Variants in KRT82 observed in about 807,000 individuals in gnomAD.
KRT82 encodes keratin, type II cuticular Hb2.
A neutral mutation model predicts 48.0 loss-of-function variants in KRT82; 44 were observed. The ratio of observed to expected loss-of-function variants is 0.92; its 90% CI spans 0.72 to 1.18. The LOEUF is 1.18. Ranked by LOEUF, KRT82 falls within the 50% of genes most tolerant of loss-of-function variation. The probability of loss-of-function intolerance (pLI) is 0.00; values close to 1 mark genes in which losing one functional copy is unlikely to be tolerated. For synonymous variants in KRT82, 297 were observed against 278.3 expected (o/e 1.07, Z -0.67); for missense variants, 701 against 671.4 (o/e 1.04, Z -0.49).
rs1158923417 is a variant in KRT82, at chr12:52,394,620, T to A, written c.*355A>T. On this transcript the variant is annotated 3_prime_UTR_variant, in exon 9 of 9. Coordinates refer to ENST00000257974, the MANE Select transcript of KRT82 (RefSeq NM_033033.4). The stretch of plus-strand genomic sequence containing the variant: ...GCCTGTGGTGGGAGAGGAGCTGACT[T>A]TGTGAGGAAACTTCCATGGGATGAT... 1 of 264,046 alleles carries A rather than the reference T, an allele frequency of 3.8e-6. No individual in the cohort carries two copies. Among genetic ancestry groups the A allele is most frequent in the Non-Finnish European group, 7.2e-6 (1 of 138,088 alleles). The allele number at this position is 264,046 out of a possible 1,614,324, so 16.4% of individuals were successfully genotyped here. A position where few individuals can be genotyped will look rare whatever the true frequency, so the allele number is the denominator to read the frequency against.
rs2121475837 is a variant in KRT82 at position 52,400,062 on chromosome 12, T to C, written c.865A>G (p.Ile289Val). 1.2e-6 allele frequency: 2 copies of C among 1,614,220 alleles called. No individual in the cohort carries two copies. Among genetic ancestry groups the C allele is most frequent in the South Asian group, 2.2e-5 (2 of 91,086 alleles). Reference sequence around the variant, plus strand: ...TCATACTGCGCCTTGATCTCAGCGATGATGCCGTCCACGTCCAGCTCCCGG... The same window carrying C: ...TCATACTGCGCCTTGATCTCAGCGACGATGCCGTCCACGTCCAGCTCCCGG... ...NSRELDVDGI[I>V]AEIKAQYDDI... Residue 289 changes from isoleucine to valine, a missense_variant, in exon 5 of 9, where the codon ATC becomes GTC. By Grantham distance (29) the Ile-to-Val change is conservative (BLOSUM62 3). Coordinates refer to ENST00000257974, the MANE Select transcript of KRT82 (RefSeq NM_033033.4).
In KRT82 at chr12:52,400,513, A is replaced by G. The variant is rs890255698; in HGVS notation, c.777+14T>C. ...CAGCCCTGACTAACCACCCAAGGTC[A>G]GGGCTGTGGGTACCTCCTCATACAG... On this transcript the variant is annotated intron_variant, in intron 4 of 8. Transcript: ENST00000257974. The G allele has an allele frequency of 1.2e-6, 2 of 1,600,418 alleles. No homozygotes were observed. The highest frequency in any genetic ancestry group is 1.7e-4 in the Middle Eastern group (1 of 6,038).
At chr12:52,398,194 T>C (rs960332536) in intron 5 of KRT82, among the ~76,000 whole-genome samples, 3 of 152,192 alleles carry the variant, frequency 2.0e-5, no homozygotes, top group African/African-American at 7.2e-5. Context: ...TCTATGACCA[T>C]GGCTGGGTAG....
chr12:52,397,544 A>C (rs1939731924), intron 5 of KRT82, among the ~76,000 whole-genome samples: 1 of 152,250 alleles, frequency 6.6e-6, no homozygotes, highest in South Asian at 2.1e-4. Flanking sequence ...CTCTGAATCC[A>C]ATTTCTGAAT....
rs1292577975 is a variant in KRT82, at chr12:52,406,098, C to T, written c.180G>A (p.Val60=). 3.7e-6 allele frequency: 6 copies of T among 1,613,298 alleles called. No individual in the cohort carries two copies. Among genetic ancestry groups the T allele is most frequent in the Non-Finnish European group, 5.1e-6 (6 of 1,179,852 alleles). Residue 60 remains valine (V), a synonymous_variant, in exon 1 of 9, where the codon GTG becomes GTA. Coordinates refer to ENST00000257974, the MANE Select transcript of KRT82 (RefSeq NM_033033.4). ...AGGCTACCCGGGGCCTCCCAAAGCC[C>T]ACGTTGCACAGGCTCCGTGAGCCAA... ...GCLGSRSLCN[V]GFGRPRVASR...
At position 52,405,879 on chromosome 12, in the gene KRT82, A is replaced by G. The variant is rs1226941050; in HGVS notation, c.399T>C (p.Ser133=). ...ACTGCCCCCTTACCTTGTTGATGAA[A>G]GATGCGAAACGGTTGTTGAGGCACT... ...QIKCLNNRFA[S]FINKVRFLEQ... The change falls in exon 1 of 9, where the codon TCT becomes TCC. Residue 133 remains serine, a synonymous_variant. Coordinates refer to ENST00000257974, the MANE Select transcript of KRT82 (RefSeq NM_033033.4). 6.2e-7 allele frequency: 1 copy of G among 1,610,916 alleles called. No homozygotes were observed. The highest frequency in any genetic ancestry group is 1.7e-5 in the Admixed American group (1 of 59,916).
intron 5 of KRT82, among the ~76,000 whole-genome samples, 180 bp downstream of exon 5, chr12:52,399,805 A>G (rs920751482): frequency 4.6e-5 from 7 of 152,202 alleles, no homozygotes; most frequent in Non-Finnish European, 1.0e-4. Flanking sequence ...TCTGCAGGGA[A>G]GTGGCCTGGG....
intron 5 of KRT82, 21 bp downstream of exon 5, chr12:52,399,964 C>G (rs193014204): frequency 2.1e-5 from 33 of 1,607,808 alleles, no homozygotes; most frequent in Non-Finnish European, 2.7e-5. Flanking sequence ...AGTCTCCCTG[C>G]CCCCAACCAC....
chr12:52,406,167 T>G lies in KRT82; in HGVS notation c.111A>C (p.Pro37=). 6.2e-7 allele frequency: 1 copy of G among 1,613,424 alleles called. No homozygotes were observed. The highest frequency in any genetic ancestry group is 2.2e-5 in the East Asian group (1 of 44,874). The part of the protein sequence containing the change: ...MVTHYAVSKG[P]CRPGGGRGLR... ...GGCCCCTACCACCCCCGGGCCGGCA[T>G]GGCCCCTTGCTCACTGCATAGTGGG... is the stretch of plus-strand genomic sequence containing the variant. Residue 37 remains proline, a synonymous_variant, in exon 1 of 9, where the codon CCA becomes CCC. Transcript: ENST00000257974.
chr12:52,399,169 C>T (rs969261772), intron 5 of KRT82, among the ~76,000 whole-genome samples: 1 of 152,202 alleles, frequency 6.6e-6, no homozygotes, highest in Admixed American at 6.5e-5. Flanking sequence ...CACTCCCTAC[C>T]CTTCCCCTGG....
At chr12:52,399,469 C>G (rs1939757515) in intron 5 of KRT82, among the ~76,000 whole-genome samples, 1 of 152,190 alleles carries the variant, frequency 6.6e-6, no homozygotes, top group Non-Finnish European at 1.5e-5. Flanking sequence ...GCAGGAGAGG[C>G]TGAGATGATG....
At chr12:52,400,304 C>A (rs966313679) in intron 4 of KRT82, among the ~76,000 whole-genome samples, 155 bp from the exon 5 acceptor site, 1 of 152,214 alleles carries the variant, frequency 6.6e-6, no homozygotes, top group Non-Finnish European at 1.5e-5. Flanking sequence ...TTGTCCCCAC[C>A]CTCTGGTTGC....
chr12:52,397,073 A>T (rs1939726336), intron 5 of KRT82, 65 bp from the exon 6 acceptor site: 7 of 1,580,260 alleles, frequency 4.4e-6, no homozygotes, highest in Non-Finnish European at 6.0e-6. Context: ...CTCTTTTCTC[A>T]CTGTTCCCAG....
chr12:52,406,102 T>C lies in KRT82; in HGVS notation c.176A>G (p.Asn59Ser). The change falls in exon 1 of 9, where the codon AAC becomes AGC. Residue 59 changes from asparagine to serine, a missense_variant. Physicochemically the swap from Asn to Ser is conservative, Grantham distance 46. Transcript: ENST00000257974. ...TACCCGGGGCCTCCCAAAGCCCACG[T>C]TGCACAGGCTCCGTGAGCCAAGGCA... ...LGCLGSRSLC[N>S]VGFGRPRVAS... 6.2e-7 allele frequency: 1 copy of C among 1,613,382 alleles called. No homozygotes were observed. Among genetic ancestry groups the C allele is most frequent in the Non-Finnish European group, 8.5e-7 (1 of 1,179,852 alleles).
At chr12:52,396,310 C>T (rs899974457) in intron 6 of KRT82, 78 bp from the exon 7 acceptor site, 45 of 1,357,770 alleles carry the variant, frequency 3.3e-5, no homozygotes, top group Middle Eastern at 1.9e-4. Context: ...AGAGAGAACA[C>T]GGGGGTGGCT....
intron 5 of KRT82, among the ~76,000 whole-genome samples, chr12:52,397,692 T>A (rs996294623): frequency 6.6e-6 from 1 of 152,232 alleles, no homozygotes; most frequent in Non-Finnish European, 1.5e-5. Flanking sequence ...GCTCTTTTGT[T>A]ATTTGGTTAC....
Position 52,394,914 on chromosome 12 carries a change from G to T in KRT82, c.*61C>A. Reference sequence around the variant, plus strand: ...GAACATCCTTGTCTTCAGCCCTGGTGGGAGTGTGACATCCAGGGCCATGGG... The same window carrying T: ...GAACATCCTTGTCTTCAGCCCTGGTTGGAGTGTGACATCCAGGGCCATGGG... On this transcript the variant is annotated 3_prime_UTR_variant, in exon 9 of 9. Transcript: ENST00000257974. The T allele has an allele frequency of 7.2e-7, 1 of 1,380,580 alleles. No individual in the cohort carries two copies. The highest frequency in any genetic ancestry group is 1.0e-6 in the Non-Finnish European group (1 of 970,124). The allele number at this position is 1,380,580 out of a possible 1,614,324, so 85.5% of individuals were successfully genotyped here.
At chr12:52,396,323 G>A (rs1027202624) in intron 6 of KRT82, 91 bp from the exon 7 acceptor site, 15 of 1,216,288 alleles carry the variant, frequency 1.2e-5, no homozygotes, top group East Asian at 7.6e-5. Context: ...GGGTGGCTAC[G>A]TGCCAGGCTC....
In KRT82 at chr12:52,395,744, G is replaced by T. The variant is rs1939703422; in HGVS notation, c.1321+15C>A. 5.8e-6 allele frequency: 9 copies of T among 1,559,144 alleles called. No individual in the cohort carries two copies. The East Asian group carries it at 1.8e-4, about 31-fold the overall frequency. On this transcript the variant is annotated intron_variant, in intron 8 of 8. Coordinates refer to ENST00000257974, the MANE Select transcript of KRT82 (RefSeq NM_033033.4). Reference sequence around the variant, plus strand: ...CAAGACTCCAGAGCCAGTGGGGCATGGCTCATCTACTTACAGATATTCACG... The same window carrying T: ...CAAGACTCCAGAGCCAGTGGGGCATTGCTCATCTACTTACAGATATTCACG...
Sources: gnomAD v4.1 joint callset for allele counts (sites outside exome capture counted in the v4.1 genomes callset) on GRCh38, gnomAD v4.1.1 for gene constraint, MANE v1.5 for transcripts, NCBI Gene and HGNC (gene_info 2026-07-23, HGNC 2026-07-21) for gene names.